The following TAF3 variants were observed in gnomAD, a reference collection of about 807,000 sequenced individuals.
TAF3 encodes transcription initiation factor TFIID subunit 3.
TAF3 carries 7 observed loss-of-function variants against 80.6 expected under a neutral mutation model. The observed-to-expected ratio is 0.09, with a 90% CI of 0.05 to 0.16. TAF3 has a LOEUF of 0.16. Ranked by LOEUF, TAF3 falls within the 10% of genes least tolerant of loss-of-function variation. TAF3 has a pLI of 1.00. For synonymous variants in TAF3, 444 were observed against 446.1 expected, an observed-to-expected ratio of 1.00 and a Z score of 0.06; for missense variants, 921 against 1,140.2, an observed-to-expected ratio of 0.81 and a Z score of 2.77.
At chr10:7,974,632 CTG>C (rs1831652890) in intron 3 of TAF3, among the ~76,000 whole-genome samples, 1 of 152,018 alleles carries the variant, frequency 6.6e-6, no homozygotes, top group East Asian at 1.9e-4. Flanking sequence ...AATGGGAAAA[CTG>C]GGACATGAGG....
intron 2 of TAF3, among the ~76,000 whole-genome samples, chr10:7,836,240 TCAGACCCTGCAAC>T (rs1355492084): frequency 6.6e-6 from 1 of 151,964 alleles, no homozygotes; most frequent in Admixed American, 6.6e-5. Context: ...CATCCACCTC[TCAGACCCTGCAAC>T]CAGTTGCAGT....
rs116762519 is a variant in TAF3, at chr10:7,869,164, G to T, written c.409+44604G>T. 5.0e-3 allele frequency among the ~76,000 whole-genome samples: 754 copies of T among 152,088 alleles called. 7 individuals are homozygous for T. The highest frequency in any genetic ancestry group is 0.017 in the African/African-American group (707 of 41,462). On this transcript the variant is annotated intron_variant, in intron 2 of 6. Coordinates refer to ENST00000344293, the MANE Select transcript of TAF3 (RefSeq NM_031923.4). The stretch of plus-strand genomic sequence containing the variant: ...AGTAACTTTAGAAAAATTTTAAAAT[G>T]TAGATAAAAAATGTTTACAGATAAG...
chr10:7,914,370 C>T (rs1220525945), intron 2 of TAF3, among the ~76,000 whole-genome samples: 2 of 152,158 alleles, frequency 1.3e-5, no homozygotes, highest in East Asian at 1.9e-4. Flanking sequence ...GTGTTTTCCC[C>T]CTCCTATTTC....
chr10:7,920,230 C>T (rs1181439048), intron 2 of TAF3, among the ~76,000 whole-genome samples: 9 of 151,202 alleles, frequency 6.0e-5, no homozygotes, highest in Non-Finnish European at 1.3e-4. Context: ...CTCCGGCCTG[C>T]GCGACAAAAT....
At chr10:7,945,100 T>C (rs1838011786) in intron 2 of TAF3, among the ~76,000 whole-genome samples, 1 of 152,242 alleles carries the variant, frequency 6.6e-6, no homozygotes, top group African/African-American at 2.4e-5. Flanking sequence ...GATAAGGCTT[T>C]GTCCCAGAGA....
chr10:7,961,373 C>T (rs143142704), intron 2 of TAF3, among the ~76,000 whole-genome samples: 1 of 152,246 alleles, frequency 6.6e-6, no homozygotes, highest in African/African-American at 2.4e-5. Context: ...TCATCTCACG[C>T]GTTCTCCATC....
intron 4 of TAF3, among the ~76,000 whole-genome samples, chr10:7,977,542 T>G (rs1055957327): frequency 6.6e-6 from 1 of 152,224 alleles, no homozygotes; most frequent in East Asian, 1.9e-4. Context: ...TTTCTTGTTC[T>G]TTTTCTCTTT....
chr10:7,865,712 A>G (rs1264129049), intron 2 of TAF3, among the ~76,000 whole-genome samples: 1 of 152,206 alleles, frequency 6.6e-6, no homozygotes, highest in Non-Finnish European at 1.5e-5. Context: ...AAGGAAAAAT[A>G]GAAAGTTGCT....
chr10:7,841,003 C>T (rs545745129), intron 2 of TAF3, among the ~76,000 whole-genome samples: 7 of 152,206 alleles, frequency 4.6e-5, no homozygotes, highest in African/African-American at 1.4e-4. Context: ...GCACACGCTG[C>T]CACACCTGGC....
intron 2 of TAF3, among the ~76,000 whole-genome samples, chr10:7,832,330 A>G (rs1430882124): frequency 1.3e-5 from 2 of 152,174 alleles, no homozygotes; most frequent in Non-Finnish European, 2.9e-5. Context: ...CACTTAGCAG[A>G]ATTGTTTGAA....
chr10:7,965,396 A>C lies in TAF3; in HGVS notation c.1886A>C (p.Asp629Ala). Residue 629 changes from aspartate to alanine, a missense_variant, in exon 3 of 7, where the codon GAT (aspartate) becomes GCT (alanine). Coordinates refer to ENST00000344293, the MANE Select transcript of TAF3 (RefSeq NM_031923.4). ...AAAGATAGAGAGAAAGGCAAGAAAG[A>C]TAAAGATAAGAGAGAGAAAGAAAAA... Reference protein sequence around the residue: ...KKKDREKGKKDKDKREKEKVK... With the variant: ...KKKDREKGKKAKDKREKEKVK... The C allele has an allele frequency of 6.2e-7, 1 of 1,611,124 alleles. No homozygotes were observed. Among genetic ancestry groups the C allele is most frequent in the African/African-American group, 1.3e-5 (1 of 74,712 alleles).
chr10:7,967,593 C>T (rs944353083), intron 3 of TAF3, among the ~76,000 whole-genome samples: 2 of 152,086 alleles, frequency 1.3e-5, no homozygotes, highest in African/African-American at 4.8e-5. Flanking sequence ...CTTATAAGAC[C>T]TTTATAAATA....
At chr10:7,870,648 T>C (rs1564352607) in intron 2 of TAF3, among the ~76,000 whole-genome samples, 1 of 152,208 alleles carries the variant, frequency 6.6e-6, no homozygotes, top group African/African-American at 2.4e-5. Flanking sequence ...GACTTGAGTT[T>C]TTAGGCCTTA....
At chr10:7,944,774 T>A (rs928733995) in intron 2 of TAF3, among the ~76,000 whole-genome samples, 1 of 152,214 alleles carries the variant, frequency 6.6e-6, no homozygotes, top group East Asian at 1.9e-4. Context: ...AGGGAGCCAC[T>A]GGAGGCCACA....
intron 2 of TAF3, among the ~76,000 whole-genome samples, chr10:7,946,518 G>C (rs1838025803): frequency 6.6e-6 from 1 of 152,222 alleles, no homozygotes; most frequent in Non-Finnish European, 1.5e-5. Context: ...GAGCTCAGAA[G>C]TTTGAGACCA....
intron 4 of TAF3, among the ~76,000 whole-genome samples, chr10:8,003,084 A>G (rs1334790425): frequency 6.6e-6 from 1 of 152,120 alleles, no homozygotes; most frequent in African/African-American, 2.4e-5. Context: ...ATTGGGTTTC[A>G]CTGTTTATAC....
chr10:8,014,933 C>T lies in TAF3; in HGVS notation c.*182C>T. On this transcript the variant is annotated 3_prime_UTR_variant, in exon 7 of 7. Coordinates refer to ENST00000344293, the MANE Select transcript of TAF3 (RefSeq NM_031923.4). The stretch of plus-strand genomic sequence containing the variant: ...ATTGTTCACTCCCGAGCCGCCTTGG[C>T]CTGTGGCTCCGTGGCAGTGCGACAG... The T allele has an allele frequency of 2.0e-6, 1 of 509,718 alleles. No individual in the cohort carries two copies. The highest frequency in any genetic ancestry group is 1.9e-5 in the African/African-American group (1 of 51,720). The allele number at this position is 509,718 out of a possible 1,614,324, so 31.6% of individuals were successfully genotyped here.
At chr10:7,864,251 C>T (rs748389022) in intron 2 of TAF3, among the ~76,000 whole-genome samples, 2 of 152,186 alleles carry the variant, frequency 1.3e-5, no homozygotes, top group African/African-American at 2.4e-5. Context: ...CTCCCTTACC[C>T]CAACCTGTGG....
intron 2 of TAF3, among the ~76,000 whole-genome samples, chr10:7,873,486 A>T (rs1428214663): frequency 1.3e-5 from 2 of 152,220 alleles, no homozygotes; most frequent in African/African-American, 4.8e-5. Flanking sequence ...AACATTTAGG[A>T]ATATCTTTTA....
Sources: gnomAD v4.1 joint callset for allele counts (sites outside exome capture counted in the v4.1 genomes callset) on GRCh38, gnomAD v4.1.1 for gene constraint, MANE v1.5 for transcripts, NCBI Gene and HGNC (gene_info 2026-07-23, HGNC 2026-07-21) for gene names.